Variants in SLC24A2 observed in about 807,000 individuals in gnomAD.
SLC24A2 encodes sodium/potassium/calcium exchanger 2.
A neutral mutation model predicts 62.0 loss-of-function variants in SLC24A2; 36 were observed. The observed-to-expected ratio is 0.58, with a 90% CI of 0.44 to 0.77. SLC24A2 has a LOEUF of 0.77. SLC24A2 is among the 30% of genes least tolerant of loss of function. The pLI, the probability that SLC24A2 is intolerant of heterozygous loss-of-function variation, is 0.00. For synonymous variants in SLC24A2, 358 were observed against 294.0 expected, an observed-to-expected ratio of 1.22 and a Z score of -2.23; for missense variants, 846 against 817.9, an observed-to-expected ratio of 1.03 and a Z score of -0.42.
Position 19,711,118 on chromosome 9 carries a change from T to C in SLC24A2, c.930+74819A>G, listed in dbSNP as rs1820703069. On this transcript the variant is annotated intron_variant, in intron 2 of 10. Transcript: ENST00000341998. The stretch of plus-strand genomic sequence containing the variant: ...AGTAAGGTCTGGGAATTCTTGAGGG[T>C]CACTGCATTTCTATTTGAGGGGTCT... Among the ~76,000 whole-genome samples the C allele has an allele frequency of 2.0e-5, 3 of 152,168 alleles. 1 individual carries two copies. The highest frequency in any genetic ancestry group is 4.4e-5 in the Non-Finnish European group (3 of 68,034).
chr9:19,921,975 C>T, the SLC24A2 span, among the ~76,000 whole-genome samples: 3,256 of 152,246 alleles, frequency 0.021, 49 homozygotes, highest in Non-Finnish European at 0.031. Flanking sequence ...AGAAATGACG[C>T]TCCTTCCCAA....
the SLC24A2 span, among the ~76,000 whole-genome samples, chr9:19,850,996 T>C: frequency 2.0e-5 from 1 of 49,020 alleles, no homozygotes; most frequent in East Asian, 2.9e-4. Context: ...TATATATATA[T>C]ATATACACAT....
chr9:20,015,579 G>C, the SLC24A2 span, among the ~76,000 whole-genome samples: 1 of 152,202 alleles, frequency 6.6e-6, no homozygotes, highest in Non-Finnish European at 1.5e-5. Context: ...ACCATACAGA[G>C]AAGAAAATAC....
chr9:19,789,223 G>A (rs1320045362), upstream of SLC24A2, among the ~76,000 whole-genome samples: 2 of 152,276 alleles, frequency 1.3e-5, no homozygotes, highest in African/African-American at 2.4e-5. Context: ...TCTCCGCAGT[G>A]TGGACGGGGG....
At chr9:20,174,131 T>A in the SLC24A2 span, among the ~76,000 whole-genome samples, 4 of 151,986 alleles carry the variant, frequency 2.6e-5, no homozygotes, top group Non-Finnish European at 4.4e-5. Flanking sequence ...TGATGCTGGA[T>A]AATTGGCAAG....
the SLC24A2 span, among the ~76,000 whole-genome samples, chr9:20,039,712 T>A: frequency 6.6e-6 from 1 of 151,910 alleles, no homozygotes; most frequent in Admixed American, 6.6e-5. Context: ...AAAATGGGGA[T>A]TCAGTTGTAA....
intron 2 of SLC24A2, among the ~76,000 whole-genome samples, chr9:19,649,910 T>C (rs1361954743): frequency 6.6e-6 from 1 of 152,240 alleles, no homozygotes; most frequent in African/African-American, 2.4e-5. Flanking sequence ...ATCCAGTTGC[T>C]AGCTATTCTA....
At chr9:19,798,431 TAAG>T in the SLC24A2 span, among the ~76,000 whole-genome samples, 1 of 152,176 alleles carries the variant, frequency 6.6e-6, no homozygotes, top group African/African-American at 2.4e-5. Context: ...TCTTCCAAAA[TAAG>T]ATTTTCTTAC....
chr9:19,574,192 G>T (rs1377022348), intron 6 of SLC24A2, among the ~76,000 whole-genome samples: 3 of 152,196 alleles, frequency 2.0e-5, no homozygotes, highest in African/African-American at 7.2e-5. Context: ...GGGCAGCCTG[G>T]TGAATACAAC....
At chr9:19,566,046 T>C (rs1835636299) in intron 7 of SLC24A2, among the ~76,000 whole-genome samples, 1 of 152,138 alleles carries the variant, frequency 6.6e-6, no homozygotes, top group Non-Finnish European at 1.5e-5. Flanking sequence ...ATTCAGGACA[T>C]AGGCATGGGC....
chr9:19,902,871 T>C, the SLC24A2 span, among the ~76,000 whole-genome samples: 1 of 152,166 alleles, frequency 6.6e-6, no homozygotes, highest in Non-Finnish European at 1.5e-5. Context: ...ATATTTGACA[T>C]AGTAAACCAA....
At chr9:19,722,668 A>C (rs1821061483) in intron 2 of SLC24A2, among the ~76,000 whole-genome samples, 1 of 151,946 alleles carries the variant, frequency 6.6e-6, no homozygotes, top group Non-Finnish European at 1.5e-5. Context: ...AAAAAAAAAA[A>C]ACCACGATAT....
chr9:19,946,319 C>T, the SLC24A2 span, among the ~76,000 whole-genome samples: 1 of 152,294 alleles, frequency 6.6e-6, no homozygotes, highest in East Asian at 1.9e-4. Flanking sequence ...CTTCATTTAG[C>T]CATGGGTGAC....
At chr9:20,245,866 A>C in the SLC24A2 span, among the ~76,000 whole-genome samples, 4 of 152,186 alleles carry the variant, frequency 2.6e-5, no homozygotes, top group Non-Finnish European at 5.9e-5. Flanking sequence ...TTAACCTTCA[A>C]GACTACCCTA....
the SLC24A2 span, among the ~76,000 whole-genome samples, chr9:20,130,230 G>A: frequency 1.1e-4 from 17 of 151,854 alleles, no homozygotes; most frequent in East Asian, 3.1e-3. Flanking sequence ...ATACCACAGA[G>A]AATAAGCCAT....
chr9:20,018,516 C>T, the SLC24A2 span, among the ~76,000 whole-genome samples: 22 of 152,248 alleles, frequency 1.4e-4, no homozygotes, highest in South Asian at 2.5e-3. Flanking sequence ...CCTCCTCCAC[C>T]TCTTCATTTT....
the SLC24A2 span, among the ~76,000 whole-genome samples, chr9:20,092,598 A>G: frequency 8.5e-5 from 13 of 152,318 alleles, no homozygotes; most frequent in East Asian, 2.5e-3. Flanking sequence ...ATTCTGATTA[A>G]AAATATTGAC....
the SLC24A2 span, among the ~76,000 whole-genome samples, chr9:20,222,197 G>A: frequency 6.6e-6 from 1 of 151,520 alleles, no homozygotes; most frequent in African/African-American, 2.4e-5. Context: ...AAAATAATGG[G>A]AAAATAATCT....
intron 8 of SLC24A2, among the ~76,000 whole-genome samples, chr9:19,547,511 C>T (rs1834641155): frequency 6.6e-6 from 1 of 151,938 alleles, no homozygotes; most frequent in Non-Finnish European, 1.5e-5. Context: ...AGCTTTTGAT[C>T]TTCCCTAACA....
Sources: allele counts gnomAD v4.1 joint callset (sites outside exome capture counted in the v4.1 genomes callset), GRCh38; gene constraint gnomAD v4.1.1; transcripts MANE v1.5; gene names NCBI Gene and HGNC (gene_info 2026-07-23, HGNC 2026-07-21).